The following ABCC9 variants were observed in gnomAD, a reference collection of about 807,000 sequenced individuals.
The protein encoded by ABCC9 is ATP binding cassette subfamily C member 9.
Under a neutral mutation model 188.3 loss-of-function variants are expected in ABCC9, and 95 were observed. The ratio of observed to expected loss-of-function variants is 0.50; its 90% CI spans 0.43 to 0.60. The LOEUF (loss-of-function observed/expected upper bound fraction) is 0.60. ABCC9 is among the 20% of genes least tolerant of loss of function. ABCC9 has a pLI of 0.00. For missense variants in ABCC9, 1,102 were observed against 1,876.3 expected, an observed-to-expected ratio of 0.59 and a Z score of 7.62; for synonymous variants, 659 against 652.7, an observed-to-expected ratio of 1.01 and a Z score of -0.15.
intron 12 of ABCC9, among the ~76,000 whole-genome samples, chr12:21,901,280 G>GC (rs1404145779): frequency 7.2e-5 from 11 of 152,096 alleles, no homozygotes; most frequent in African/African-American, 2.4e-4. Context: ...CACCAGACCT[G>GC]CCCTACAAGA....
intron 12 of ABCC9, among the ~76,000 whole-genome samples, chr12:21,899,015 G>A (rs1220592821): frequency 6.6e-6 from 1 of 152,052 alleles, no homozygotes; most frequent in African/African-American, 2.4e-5. Context: ...CTCCCAAGGA[G>A]ACAAGTTAAA....
intron 30 of ABCC9, among the ~76,000 whole-genome samples, chr12:21,836,552 T>C (rs957118968): frequency 1.3e-5 from 2 of 152,214 alleles, no homozygotes; most frequent in Admixed American, 6.6e-5. Flanking sequence ...CCCCATTCCT[T>C]CTAGACAGAG....
At chr12:21,928,242 AAGGGGAGGGG>A (rs1184316871) in intron 4 of ABCC9, among the ~76,000 whole-genome samples, 1 of 123,694 alleles carries the variant, frequency 8.1e-6, no homozygotes, top group South Asian at 3.1e-4. Flanking sequence ...AAAGGAAAGG[AAGGGGAGGGG>A]AGGGGAGGGG....
In ABCC9 at chr12:21,872,737, A is replaced by C. The variant is rs185235724; in HGVS notation, c.2093-7T>G. On this transcript the variant is annotated splice_polypyrimidine_tract_variant and splice_region_variant and intron_variant, in intron 17 of 39. Transcript: ENST00000261200. ...ACAATCATGGTTAACTGACCTAGGAAAGCAAAACAAAGGATAACTACAGAA... is the reference window on the plus strand; with the variant it reads ...ACAATCATGGTTAACTGACCTAGGACAGCAAAACAAAGGATAACTACAGAA... 1 of 1,578,132 alleles carries C rather than the reference A, an allele frequency of 6.3e-7. No homozygotes were observed. Among genetic ancestry groups the C allele is most frequent in the African/African-American group, 1.3e-5 (1 of 74,108 alleles).
intron 18 of ABCC9, chr12:21,869,668 G>A (rs58837864): frequency 2.0e-5 from 3 of 152,264 alleles, no homozygotes; most frequent in Admixed American, 6.5e-5. Flanking sequence ...CACAGGTATA[G>A]TACCTTTACT....
chr12:21,918,255 AC>A (rs1395081362), intron 5 of ABCC9, among the ~76,000 whole-genome samples: 2 of 152,164 alleles, frequency 1.3e-5, no homozygotes, highest in Non-Finnish European at 2.9e-5. Context: ...TTAGAAAGAT[AC>A]ATTAAAAAAT....
In ABCC9 at chr12:21,798,485, C is replaced by T. The variant is rs1941266375; in HGVS notation, c.*2559G>A. The T allele has an allele frequency of 6.7e-6, 1 of 150,242 alleles. No individual in the cohort carries two copies. The highest frequency in any genetic ancestry group is 1.5e-5 in the Non-Finnish European group (1 of 67,684). 9.3% of individuals were successfully genotyped at this position (150,242 alleles called of 1,614,324 possible). A position where few individuals can be genotyped will look rare whatever the true frequency, so the allele number is the denominator to read the frequency against. On this transcript the variant is annotated 3_prime_UTR_variant, in exon 40 of 40. Coordinates refer to ENST00000261200, the MANE Select transcript of ABCC9 (RefSeq NM_020297.4). ...TCTTTTGAGAAGTGTCTGTTCATGT[C>T]CTTCACCCACTTTTTGATGGGGTTG...
At chr12:21,871,623 A>G (rs1592118532) in intron 18 of ABCC9, among the ~76,000 whole-genome samples, 1 of 152,326 alleles carries the variant, frequency 6.6e-6, no homozygotes, top group East Asian at 1.9e-4. Context: ...GATAGTAGAT[A>G]CAAAATGATA....
chr12:21,932,009 CA>C (rs1949309594), intron 4 of ABCC9, among the ~76,000 whole-genome samples: 1 of 151,994 alleles, frequency 6.6e-6, no homozygotes, highest in Non-Finnish European at 1.5e-5. Context: ...ACAGAAAACA[CA>C]AACAGATGTC....
At chr12:21,825,075 A>C (rs1486562802) in intron 31 of ABCC9, among the ~76,000 whole-genome samples, 3 of 152,204 alleles carry the variant, frequency 2.0e-5, no homozygotes, top group African/African-American at 7.2e-5. Context: ...CAGAAATGCA[A>C]ATCAAAACCA....
intron 16 of ABCC9, 112 bp downstream of exon 16, chr12:21,882,654 C>T: frequency 1.1e-6 from 1 of 948,966 alleles, no homozygotes; most frequent in Non-Finnish European, 1.7e-6. Flanking sequence ...GGGTTAATGA[C>T]AACTGTAAAA....
intron 8 of ABCC9, among the ~76,000 whole-genome samples, chr12:21,911,216 A>G (rs1948309856): frequency 6.6e-6 from 1 of 151,984 alleles, no homozygotes; most frequent in Admixed American, 6.6e-5. Context: ...AAAAATTAGA[A>G]TGCATTTCCT....
At chr12:21,810,070 C>T in intron 36 of ABCC9, 115 bp from the exon 37 acceptor site, 1 of 717,114 alleles carries the variant, frequency 1.4e-6, no homozygotes, top group Non-Finnish European at 2.4e-6. Flanking sequence ...TTGGTTACTG[C>T]TGTATATTCA....
At chr12:21,870,794 T>C (rs1946034096) in intron 18 of ABCC9, among the ~76,000 whole-genome samples, 1 of 152,166 alleles carries the variant, frequency 6.6e-6, no homozygotes, top group African/African-American at 2.4e-5. Flanking sequence ...TATGTTATTT[T>C]AAATAAAACA....
intron 10 of ABCC9, 52 bp downstream of exon 10, chr12:21,910,105 T>G: frequency 6.6e-7 from 1 of 1,517,168 alleles, no homozygotes; most frequent in Non-Finnish European, 9.1e-7. Flanking sequence ...TACTGCTTTT[T>G]TTGTTTTATT....
intron 12 of ABCC9, among the ~76,000 whole-genome samples, chr12:21,904,645 A>C (rs550717934): frequency 6.6e-6 from 1 of 152,346 alleles, no homozygotes; most frequent in Non-Finnish European, 1.5e-5. Flanking sequence ...TCTCAAAAGA[A>C]GACATTTATG....
intron 12 of ABCC9, among the ~76,000 whole-genome samples, chr12:21,903,074 C>T (rs904206006): frequency 6.6e-6 from 1 of 152,142 alleles, no homozygotes; most frequent in Admixed American, 6.6e-5. Context: ...TCCAGCAGCA[C>T]ATCAAAAATC....
chr12:21,876,214 ATAT>A (rs1283450757), intron 16 of ABCC9, among the ~76,000 whole-genome samples: 1 of 152,202 alleles, frequency 6.6e-6, no homozygotes. Context: ...TAAATTTGCG[ATAT>A]TATGAAGAAT....
At chr12:21,915,032 C>T (rs1389316782) in intron 7 of ABCC9, among the ~76,000 whole-genome samples, 2 of 151,582 alleles carry the variant, frequency 1.3e-5, no homozygotes, top group African/African-American at 2.4e-5. Context: ...TCCCAAGTAG[C>T]TGGGATTACA....
Sources: allele counts gnomAD v4.1 joint callset (sites outside exome capture counted in the v4.1 genomes callset), GRCh38; gene constraint gnomAD v4.1.1; transcripts MANE v1.5; gene names NCBI Gene and HGNC (gene_info 2026-07-23, HGNC 2026-07-21).